Variants in DUOX2 observed in about 807,000 individuals in gnomAD.
DUOX2 encodes NADH/NADPH thyroid oxidase p138-tox.
DUOX2 carries 185 observed loss-of-function variants against 183.3 expected under a neutral mutation model. The observed-to-expected ratio is 1.01, with a 90% confidence interval of 0.90 to 1.14. DUOX2 has a LOEUF of 1.14. Ranked by LOEUF, DUOX2 falls within the 50% of genes most tolerant of loss-of-function variation. The pLI, the probability that DUOX2 is intolerant of heterozygous loss-of-function variation, is 0.00. For synonymous variants in DUOX2, 788 were observed against 812.4 expected (o/e 0.97, Z 0.51); for missense variants, 1,999 against 2,022.9 (o/e 0.99, Z 0.23).
intron 12 of DUOX2, 114 bp from the exon 13 acceptor site, chr15:45,108,336 T>C: frequency 1.6e-6 from 2 of 1,263,006 alleles, no homozygotes; most frequent in Non-Finnish European, 1.1e-6. Context: ...TGCTCAGGCC[T>C]GATTTCCTCT....
At chr15:45,112,492 C>A in intron 4 of DUOX2, 62 bp downstream of exon 4, 3 of 1,590,790 alleles carry the variant, frequency 1.9e-6, no homozygotes, top group South Asian at 1.1e-5. Context: ...CGGGATCTGG[C>A]CCCTCCCCCA....
intron 18 of DUOX2, among the ~76,000 whole-genome samples, chr15:45,105,341 G>A (rs1316139122): frequency 5.3e-5 from 8 of 152,174 alleles, no homozygotes; most frequent in Admixed American, 5.2e-4. Context: ...CGGGTCCAGA[G>A]GCCAACCTCT....
chr15:45,097,112 G>C, intron 29 of DUOX2, 126 bp downstream of exon 29: 1 of 1,418,586 alleles, frequency 7.0e-7, no homozygotes, highest in Admixed American at 1.8e-5. Flanking sequence ...GTGGTTTTTT[G>C]TTGTTGTTGT....
chr15:45,100,183 C>G lies in DUOX2; in HGVS notation c.3051G>C (p.Glu1017Asp). 3 of 1,614,114 alleles carry G rather than the reference C, an allele frequency of 1.9e-6. No individual in the cohort carries two copies. The highest frequency in any genetic ancestry group is 2.2e-5 in the South Asian group (2 of 91,084). ...TPRLYTEALQ[E>D]KMQRGFLAQK... ...GGGCTAGGAAGCCTCGCTGCATCTTCTCTTGCAGCGCCTCTGTGTACAGCC... is the reference window on the plus strand; with the variant it reads ...GGGCTAGGAAGCCTCGCTGCATCTTGTCTTGCAGCGCCTCTGTGTACAGCC... The change falls in exon 24 of 34, where the codon GAG (glutamate) becomes GAC (aspartate). Residue 1017 changes from glutamate (E) to aspartate (D), a missense_variant. Physicochemically the swap from Glu to Asp is conservative, Grantham distance 45. Around this residue, in one of 3 missense-constraint regions of DUOX2, gnomAD observed 1,628 missense variants for 1,608.6 expected, o/e 1.01. Coordinates refer to ENST00000389039, the MANE Select transcript of DUOX2 (RefSeq NM_001363711.2).
intron 27 of DUOX2, 70 bp from the exon 28 acceptor site, chr15:45,097,811 A>G: frequency 6.2e-7 from 1 of 1,611,012 alleles, no homozygotes; most frequent in Admixed American, 1.7e-5. Context: ...ACAACAGCAC[A>G]TTCCCCTATC....
At position 45,098,163 on chromosome 15, in the gene DUOX2, A is replaced by G. The variant is rs1893958839; in HGVS notation, c.3516-105T>C. The G allele has an allele frequency of 4.5e-6, 5 of 1,118,556 alleles. No individual in the cohort carries two copies. In the South Asian group the frequency reaches 5.3e-5, roughly 12 times the overall value. The allele number at this position is 1,118,556 out of a possible 1,614,324, so 69.3% of individuals were successfully genotyped here. ...CCTGCTGGCCCTGACTGCTGAGGGT[A>G]TGGGGCCTCCACCCAGTTGGCCAGG... On this transcript the variant is annotated intron_variant, in intron 26 of 33. Coordinates refer to ENST00000389039, the MANE Select transcript of DUOX2 (RefSeq NM_001363711.2).
At position 45,100,212 on chromosome 15, in the gene DUOX2, G is replaced by A. The variant is rs1408818779; in HGVS notation, c.3022C>T (p.Pro1008Ser). 6.2e-7 allele frequency: 1 copy of A among 1,613,788 alleles called. No individual in the cohort carries two copies. Among genetic ancestry groups the A allele is most frequent in the Admixed American group, 1.7e-5 (1 of 60,030 alleles). The change falls in exon 24 of 34, where the codon CCC (proline) becomes TCC (serine). Residue 1008 changes from proline to serine, a missense_variant. Pro to Ser is a moderately conservative substitution (Grantham distance 74). Transcript: ENST00000389039. ...RFGKKAAVPTPRLYTEALQEK... is the reference protein window; with the variant it reads ...RFGKKAAVPTSRLYTEALQEK... ...TGCAGCGCCTCTGTGTACAGCCGGG[G>A]AGTGGGCACTGCTGCCCTATAGCAA...
Position 45,113,431 on chromosome 15 carries a change from G to C in DUOX2, c.-14-6C>G. 1.3e-6 allele frequency: 2 copies of C among 1,553,318 alleles called. No homozygotes were observed. The highest frequency in any genetic ancestry group is 1.7e-6 in the Non-Finnish European group (2 of 1,148,202). Reference sequence around the variant, plus strand: ...GAGCATGCCAACCCTGCAGCCTGCGGGGTGAGGGTGGGGGTGGTAGGTGGT... The same window carrying C: ...GAGCATGCCAACCCTGCAGCCTGCGCGGTGAGGGTGGGGGTGGTAGGTGGT... On this transcript the variant is annotated splice_polypyrimidine_tract_variant and splice_region_variant and intron_variant, in intron 1 of 33. Coordinates refer to ENST00000389039, the MANE Select transcript of DUOX2 (RefSeq NM_001363711.2).
chr15:45,110,897 GT>G (rs1894375296), intron 7 of DUOX2, among the ~76,000 whole-genome samples, 187 bp from the exon 8 acceptor site: 1 of 150,898 alleles, frequency 6.6e-6, no homozygotes, highest in African/African-American at 2.4e-5. Context: ...GGGAGTGGGG[GT>G]TGGGGAGGTG....
intron 15 of DUOX2, 73 bp downstream of exon 15, chr15:45,106,759 A>G (rs1894226766): frequency 6.2e-7 from 1 of 1,603,970 alleles, no homozygotes; most frequent in Non-Finnish European, 8.5e-7. Flanking sequence ...AACGGTACCA[A>G]ATAGCCAGCC....
intron 26 of DUOX2, 129 bp from the exon 27 acceptor site, chr15:45,098,187 G>A (rs1368432374): frequency 1.2e-6 from 1 of 856,672 alleles, no homozygotes. Context: ...CAGTTGGCCA[G>A]GGATCCCTCC....
chr15:45,113,096 C>T lies in DUOX2; in HGVS notation c.71-20G>A. 1 of 1,610,518 alleles carries T rather than the reference C, an allele frequency of 6.2e-7. No homozygotes were observed. ...GACTGCCTGTGGGCACAGAGAAGGGCCTCCTCAGCACTACGCTCCCAGCTA... is the reference window on the plus strand; with the variant it reads ...GACTGCCTGTGGGCACAGAGAAGGGTCTCCTCAGCACTACGCTCCCAGCTA... On this transcript the variant is annotated intron_variant, in intron 2 of 33. Transcript: ENST00000389039.
intron 21 of DUOX2, 144 bp from the exon 22 acceptor site, chr15:45,101,418 C>G (rs1894078790): frequency 3.9e-6 from 3 of 774,208 alleles, no homozygotes; most frequent in Non-Finnish European, 2.2e-6. Flanking sequence ...AGACTAAGCA[C>G]TCACTGTACA....
rs1461096460 is a variant in DUOX2 at position 45,110,467 on chromosome 15, T to C, written c.1001A>G (p.Gln334Arg). 1.2e-6 allele frequency: 2 copies of C among 1,614,020 alleles called. No individual in the cohort carries two copies. Among genetic ancestry groups the C allele is most frequent in the Non-Finnish European group, 1.7e-6 (2 of 1,180,018 alleles). Residue 334 changes from glutamine to arginine, a missense_variant, in exon 9 of 34, where the codon CAG becomes CGG. Transcript: ENST00000389039. The stretch of plus-strand genomic sequence containing the variant: ...AGGGGGCACCATGGTAGAGAAGAAC[T>C]GCTCAGAGGCCACCACAAATTCCGG... ...ISPEFVVASE[Q>R]FFSTMVPPGV...
intron 27 of DUOX2, 82 bp downstream of exon 27, chr15:45,097,927 T>C: frequency 6.5e-7 from 1 of 1,540,396 alleles, no homozygotes; most frequent in Non-Finnish European, 9.0e-7. Flanking sequence ...CCATGGCCAG[T>C]ATAGACAAGT....
intron 2 of DUOX2, 59 bp downstream of exon 2, chr15:45,113,283 C>G: frequency 6.5e-7 from 1 of 1,538,750 alleles, no homozygotes; most frequent in Non-Finnish European, 8.8e-7. Context: ...CACCTCTCCC[C>G]GCCCCACCTC....
At position 45,112,973 on chromosome 15, in the gene DUOX2, C is replaced by A. The variant is rs1292440060; in HGVS notation, c.160+14G>T. The A allele has an allele frequency of 1.2e-6, 2 of 1,612,452 alleles. No homozygotes were observed. The highest frequency in any genetic ancestry group is 1.1e-5 in the South Asian group (1 of 91,066). On this transcript the variant is annotated intron_variant, in intron 3 of 33. Transcript: ENST00000389039. The stretch of plus-strand genomic sequence containing the variant: ...GAGCCACGGCCCCAGCACGCCCGGG[C>A]CCCCAGAACGCACCAACAGCACCAC...
At position 45,111,847 on chromosome 15, in the gene DUOX2, C is replaced by T. The variant is rs1307235831; in HGVS notation, c.434G>A (p.Arg145His). ...PGDPVFDPDQ[R>H]GDVVLPFQRS... ...CTGGAAGGGCAGCACCACGTCCCCG[C>T]GCTGGTCGGGGTCGAACACGGGGTC... The change falls in exon 5 of 34, where the codon CGC (arginine) becomes CAC (histidine). Residue 145 changes from arginine to histidine, a missense_variant. By Grantham distance (29) the Arg-to-His change is conservative. Transcript: ENST00000389039. The T allele has an allele frequency of 6.2e-7, 1 of 1,613,496 alleles. No individual in the cohort carries two copies. Among genetic ancestry groups the T allele is most frequent in the Admixed American group, 1.7e-5 (1 of 59,990 alleles).
In DUOX2 at chr15:45,101,845, G is replaced by C. The variant is rs760327194; in HGVS notation, c.2799C>G (p.Ser933Arg). The C allele has an allele frequency of 2.5e-6, 4 of 1,614,152 alleles. No individual in the cohort carries two copies. Among genetic ancestry groups the C allele is most frequent in the Non-Finnish European group, 3.4e-6 (4 of 1,180,040 alleles). Residue 933 changes from serine (S) to arginine (R), a missense_variant, in exon 21 of 34, where the codon AGC (serine) becomes AGG (arginine). Physicochemically the swap from Ser to Arg is moderately radical, Grantham distance 110. Coordinates refer to ENST00000389039, the MANE Select transcript of DUOX2 (RefSeq NM_001363711.2). ...DFHFMLRDHD[S>R]ELRFTQLCVK... is the part of the protein sequence containing the mutation. ...CACAGAGCTGCGTGAAGCGGAGCTC[G>C]CTGTCATGGTCCCGCAGCATGAAGT...
Sources: gnomAD v4.1 joint callset for allele counts (sites outside exome capture counted in the v4.1 genomes callset) on GRCh38, gnomAD v4.1.1 for gene constraint, gnomAD v4.1.1 regional missense constraint, MANE v1.5 for transcripts, NCBI Gene and HGNC (gene_info 2026-07-23, HGNC 2026-07-21) for gene names.